The following PRKCE variants were observed in gnomAD, a reference collection of about 807,000 sequenced individuals.
PRKCE encodes the protein protein kinase C epsilon type.
Under a neutral mutation model 85.4 loss-of-function variants are expected in PRKCE, and 16 were observed. The observed-to-expected ratio is 0.19, with a 90% CI of 0.13 to 0.28. PRKCE has a LOEUF of 0.28. Ranked by LOEUF, PRKCE falls within the 10% of genes least tolerant of loss-of-function variation. The pLI is 1.00. For synonymous variants in PRKCE, 388 were observed against 371.5 expected (o/e 1.04, Z -0.51); for missense variants, 573 against 975.2 (o/e 0.59, Z 5.49).
chr2:45,837,718 C>T (rs935656), intron 1 of PRKCE, among the ~76,000 whole-genome samples: 134,869 of 152,040 alleles, frequency 0.89, 60,176 homozygotes, highest in East Asian at 0.99. Context: ...TTCTCAGATT[C>T]TCAACAGCAC....
chr2:46,167,482 A>G (rs907842308), intron 14 of PRKCE, among the ~76,000 whole-genome samples: 3 of 152,182 alleles, frequency 2.0e-5, no homozygotes, highest in African/African-American at 7.2e-5. Context: ...ACGGGCCAGG[A>G]GTTCAGATGA....
chr2:45,714,415 G>A (rs1487346436), intron 1 of PRKCE, among the ~76,000 whole-genome samples: 1 of 152,202 alleles, frequency 6.6e-6, no homozygotes, highest in East Asian at 1.9e-4. Flanking sequence ...AGTGTTCCAG[G>A]AAGAGGAAAC....
chr2:45,831,884 A>G (rs1690451583), intron 1 of PRKCE, among the ~76,000 whole-genome samples: 1 of 152,206 alleles, frequency 6.6e-6, no homozygotes, highest in Admixed American at 6.5e-5. Context: ...TAATAAATAA[A>G]TAACACAAAA....
chr2:45,960,596 G>T (rs1025451988), intron 2 of PRKCE, among the ~76,000 whole-genome samples: 1 of 152,176 alleles, frequency 6.6e-6, no homozygotes, highest in African/African-American at 2.4e-5. Flanking sequence ...AGGAGGTGGA[G>T]CTCAGGCAAT....
chr2:45,756,627 A>G (rs560022403), intron 1 of PRKCE, among the ~76,000 whole-genome samples: 5 of 152,362 alleles, frequency 3.3e-5, no homozygotes, highest in South Asian at 2.1e-4. Context: ...AAATTGTGGT[A>G]TATCTATACA....
intron 1 of PRKCE, among the ~76,000 whole-genome samples, chr2:45,703,024 C>CCT (rs879707807): frequency 2.5e-4 from 37 of 147,628 alleles, no homozygotes; most frequent in Non-Finnish European, 5.0e-4. Context: ...CCTTTTTTCC[C>CCT]CCCCCGTCAG....
chr2:45,944,865 T>A (rs901544598), intron 2 of PRKCE, among the ~76,000 whole-genome samples: 1 of 152,012 alleles, frequency 6.6e-6, no homozygotes, highest in Non-Finnish European at 1.5e-5. Flanking sequence ...TCTTTGGACA[T>A]TTAGGTTGGC....
At chr2:45,987,714 T>C (rs1446108665) in intron 6 of PRKCE, among the ~76,000 whole-genome samples, 1 of 152,224 alleles carries the variant, frequency 6.6e-6, no homozygotes. Flanking sequence ...GTGTTGAGCA[T>C]TCTGTGGATT....
chr2:46,037,755 CA>C (rs1349992854), intron 10 of PRKCE, among the ~76,000 whole-genome samples: 1 of 152,168 alleles, frequency 6.6e-6, no homozygotes, highest in Non-Finnish European at 1.5e-5. Flanking sequence ...AGTCAGATTA[CA>C]GGGGGTATCA....
At chr2:46,030,703 T>G (rs1707454295) in intron 10 of PRKCE, among the ~76,000 whole-genome samples, 1 of 152,198 alleles carries the variant, frequency 6.6e-6, no homozygotes, top group Non-Finnish European at 1.5e-5. Flanking sequence ...TGTAGCAACT[T>G]GTAATTATGT....
intron 13 of PRKCE, among the ~76,000 whole-genome samples, chr2:46,151,542 G>T (rs1002566320): frequency 6.6e-6 from 1 of 152,154 alleles, no homozygotes; most frequent in Non-Finnish European, 1.5e-5. Context: ...GTGTCCTCCA[G>T]CATTTCAGAG....
intron 1 of PRKCE, among the ~76,000 whole-genome samples, chr2:45,797,605 GAGA>G (rs1161980015): frequency 1.3e-5 from 2 of 152,226 alleles, no homozygotes; most frequent in Non-Finnish European, 2.9e-5. Context: ...GAAGCTCTGG[GAGA>G]AGGACAAGGA....
At chr2:45,734,192 C>G (rs1488642410) in intron 1 of PRKCE, among the ~76,000 whole-genome samples, 1 of 152,100 alleles carries the variant, frequency 6.6e-6, no homozygotes, top group African/African-American at 2.4e-5. Flanking sequence ...TGGTGAAACC[C>G]CGTCTCTACT....
At position 45,942,619 on chromosome 2, in the gene PRKCE, G is replaced by A. The variant is rs150933980; in HGVS notation, c.413-33810G>A. Among the ~76,000 whole-genome samples the A allele has an allele frequency of 2.2e-3, 340 of 152,244 alleles. 3 individuals carry two copies. Among genetic ancestry groups the A allele is most frequent in the African/African-American group, 7.6e-3 (315 of 41,538 alleles). ...CTGTTGGTCTAATGACGAGGTCCCC[G>A]CAGGAAGGATTAGAACACGAATGGA... On this transcript the variant is annotated intron_variant, in intron 2 of 14. Coordinates refer to ENST00000306156, the MANE Select transcript of PRKCE (RefSeq NM_005400.3).
Position 46,159,977 on chromosome 2 carries a change from G to A in PRKCE, c.2067+225G>A, listed in dbSNP as rs529064009. On this transcript the variant is annotated intron_variant, in intron 14 of 14. Coordinates refer to ENST00000306156, the MANE Select transcript of PRKCE (RefSeq NM_005400.3). The surrounding 1 kb of genome is among the most constrained non-coding windows in gnomAD (Gnocchi z 4.1). ...AGCAGCACCCAAGATGATGATTTAC[G>A]TGGGCCACAGAACACCTTTTGTCTT... 193 of 502,034 alleles carry A rather than the reference G, an allele frequency of 3.8e-4. 10 individuals are homozygous for A. The highest frequency in any genetic ancestry group is 1.9e-4 in the Non-Finnish European group (54 of 291,520). 31.1% of individuals were successfully genotyped at this position (502,034 alleles called of 1,614,324 possible). A position where few individuals can be genotyped will look rare whatever the true frequency, so the allele number is the denominator to read the frequency against.
chr2:45,779,757 A>T (rs1353811631), intron 1 of PRKCE, among the ~76,000 whole-genome samples: 1 of 152,222 alleles, frequency 6.6e-6, no homozygotes, highest in African/African-American at 2.4e-5. Context: ...AAATTAATAC[A>T]TGCATATGTA....
At chr2:46,025,856 C>T (rs755430943) in intron 10 of PRKCE, among the ~76,000 whole-genome samples, 1 of 152,162 alleles carries the variant, frequency 6.6e-6, no homozygotes, top group Non-Finnish European at 1.5e-5. Context: ...CAGTGTTGAT[C>T]TCTGCTGCTT....
intron 2 of PRKCE, among the ~76,000 whole-genome samples, chr2:45,873,048 C>A (rs1385279659): frequency 6.6e-6 from 1 of 152,198 alleles, no homozygotes; most frequent in African/African-American, 2.4e-5. Flanking sequence ...GCTGGAAAGT[C>A]TGAACTAGAG....
chr2:46,159,885 G>C lies in PRKCE; in HGVS notation c.2067+133G>C. 1 of 1,183,198 alleles carries C rather than the reference G, an allele frequency of 8.5e-7. No individual in the cohort carries two copies. Among genetic ancestry groups the C allele is most frequent in the South Asian group, 1.5e-5 (1 of 68,614 alleles). 73.3% of individuals were successfully genotyped at this position (1,183,198 alleles called of 1,614,324 possible). A position where few individuals can be genotyped will look rare whatever the true frequency, so the allele number is the denominator to read the frequency against. ...AAAATGACAAAGACCAGAGGTGGCTGAGGCTCTCCCTAAGACAATGTCTTT... is the reference window on the plus strand; with the variant it reads ...AAAATGACAAAGACCAGAGGTGGCTCAGGCTCTCCCTAAGACAATGTCTTT... On this transcript the variant is annotated intron_variant, in intron 14 of 14. Transcript: ENST00000306156. The surrounding 1 kb of genome is among the most constrained non-coding windows in gnomAD (Gnocchi z 4.1).
Sources: gnomAD v4.1 joint callset for allele counts (sites outside exome capture counted in the v4.1 genomes callset) on GRCh38, gnomAD v4.1.1 for gene constraint, Gnocchi (gnomAD v3.1) non-coding constraint, MANE v1.5 for transcripts, NCBI Gene and HGNC (gene_info 2026-07-23, HGNC 2026-07-21) for gene names.